Variants in KCNAB1 observed in about 807,000 individuals in gnomAD.
The protein encoded by KCNAB1 is potassium voltage-gated channel subfamily A regulatory beta subunit 1, also known as voltage-gated potassium channel subunit beta-1.
A neutral mutation model predicts 64.6 loss-of-function variants in KCNAB1; 35 were observed. The observed-to-expected ratio is 0.54, with a 90% CI of 0.41 to 0.72. KCNAB1 has a LOEUF of 0.72. Among genes scored for constraint, KCNAB1 ranks in the 30% least tolerant of loss-of-function variants. KCNAB1 has a pLI of 0.00. For missense variants in KCNAB1, 401 were observed against 512.9 expected (o/e 0.78, Z 2.11); for synonymous variants, 177 against 183.8 (o/e 0.96, Z 0.30).
intron 13 of KCNAB1, among the ~76,000 whole-genome samples, chr3:156,533,649 G>C (rs953543843): frequency 1.3e-5 from 2 of 152,140 alleles, no homozygotes; most frequent in Admixed American, 6.5e-5. Context: ...TGAAGGGCAA[G>C]GGCAGTCATC....
At chr3:156,132,093 C>T (rs1714032444) in intron 1 of KCNAB1, among the ~76,000 whole-genome samples, 1 of 152,178 alleles carries the variant, frequency 6.6e-6, no homozygotes, top group Non-Finnish European at 1.5e-5. Flanking sequence ...CTGTTTCTGC[C>T]ACAGAGCTGT....
chr3:156,452,392 A>G lies in KCNAB1; in HGVS notation c.320-507A>G, dbSNP rs1330852107. On this transcript the variant is annotated intron_variant, in intron 2 of 13. Transcript: ENST00000490337. The surrounding 1 kb of genome is among the most constrained non-coding windows in gnomAD (Gnocchi z 4.6). ...ATGACAGAGAAGGCACATAAGTGTC[A>G]CCTCCTGAGTCTTGTAAGTGGGCAC... 1.3e-5 allele frequency among the ~76,000 whole-genome samples: 2 copies of G among 152,154 alleles called. No homozygotes were observed. Among genetic ancestry groups the G allele is most frequent in the East Asian group, 3.8e-4 (2 of 5,196 alleles).
upstream of KCNAB1, chr3:156,118,321 C>T (rs1457704492): frequency 8.8e-6 from 4 of 455,552 alleles, no homozygotes; most frequent in Admixed American, 2.4e-5. Flanking sequence ...ATGTGGCTGT[C>T]CAGCAAGGCA....
chr3:156,182,629 T>TTC (rs1491347693), intron 1 of KCNAB1, among the ~76,000 whole-genome samples: 17 of 120,492 alleles, frequency 1.4e-4, no homozygotes, highest in South Asian at 7.8e-4. Flanking sequence ...GGTTTTTTTT[T>TTC]CCCCCCCCCG....
intron 1 of KCNAB1, among the ~76,000 whole-genome samples, chr3:156,207,554 A>G (rs1714747055): frequency 6.6e-6 from 1 of 152,230 alleles, no homozygotes; most frequent in Non-Finnish European, 1.5e-5. Context: ...CAAGTGATAC[A>G]TGTATATTTC....
chr3:156,371,389 A>C (rs1726298761), intron 1 of KCNAB1, among the ~76,000 whole-genome samples: 1 of 152,200 alleles, frequency 6.6e-6, no homozygotes, highest in Non-Finnish European at 1.5e-5. Flanking sequence ...CAAAAAGTTC[A>C]ACAAATGTTT....
chr3:156,192,389 T>C (rs1332544349), intron 1 of KCNAB1, among the ~76,000 whole-genome samples: 1 of 152,218 alleles, frequency 6.6e-6, no homozygotes, highest in Non-Finnish European at 1.5e-5. Context: ...AAAAGTTTAT[T>C]GAGACTTTTA....
chr3:156,320,372 G>A (rs1269747196), intron 1 of KCNAB1, among the ~76,000 whole-genome samples: 1 of 152,176 alleles, frequency 6.6e-6, no homozygotes, highest in African/African-American at 2.4e-5. Context: ...TTAAATGAAT[G>A]AATGAATGGT....
At chr3:156,493,501 A>C (rs76587460) in intron 8 of KCNAB1, among the ~76,000 whole-genome samples, 5,642 of 152,230 alleles carry the variant, frequency 0.037, 283 homozygotes, top group African/African-American at 0.12. Context: ...AAAGATTTCT[A>C]TATGCCCCTC....
intron 1 of KCNAB1, among the ~76,000 whole-genome samples, chr3:156,134,697 AG>A (rs1714201310): frequency 6.6e-6 from 1 of 152,250 alleles, no homozygotes; most frequent in Admixed American, 6.5e-5. Context: ...ATTTTATAAA[AG>A]CAAACCATAT....
chr3:156,292,630 C>T (rs1238337655), intron 1 of KCNAB1, among the ~76,000 whole-genome samples: 4 of 152,094 alleles, frequency 2.6e-5, no homozygotes, highest in African/African-American at 9.7e-5. Flanking sequence ...GGGAAATAGC[C>T]TCCTGGGTTC....
chr3:156,524,026 AC>A, intron 12 of KCNAB1, 79 bp downstream of exon 12: 1 of 1,331,130 alleles, frequency 7.5e-7, no homozygotes, highest in Non-Finnish European at 1.0e-6. Flanking sequence ...CCACACCCTT[AC>A]CATGATAAAA....
chr3:156,242,752 A>G (rs1359343632), intron 1 of KCNAB1, among the ~76,000 whole-genome samples: 1 of 146,188 alleles, frequency 6.8e-6, no homozygotes, highest in Non-Finnish European at 1.5e-5. Flanking sequence ...TCATTGTGTC[A>G]TATTTTCTTC....
chr3:156,426,828 ATAC>A (rs1393145154), intron 2 of KCNAB1, among the ~76,000 whole-genome samples: 10 of 152,216 alleles, frequency 6.6e-5, no homozygotes, highest in Admixed American at 2.0e-4. Context: ...TTAGTGCTTC[ATAC>A]TACATTTTGG....
At chr3:156,308,254 C>CAGG (rs1304304923) in intron 1 of KCNAB1, among the ~76,000 whole-genome samples, 1 of 152,184 alleles carries the variant, frequency 6.6e-6, no homozygotes, top group Non-Finnish European at 1.5e-5. Context: ...GAGGAACAAT[C>CAGG]AGGAGAACAT....
At position 156,472,550 on chromosome 3, in the gene KCNAB1, C is replaced by T. The variant is rs140552090; in HGVS notation, c.572-2184C>T. ...TAGTGTCCTTTAGAGGGACAATTTC[C>T]TTTCACTCCACTTCAAAGTCAGAGG... On this transcript the variant is annotated intron_variant, in intron 7 of 13. Transcript: ENST00000490337. Among the ~76,000 whole-genome samples the T allele has an allele frequency of 3.9e-3, 599 of 152,178 alleles. 3 individuals are homozygous for T. The highest frequency in any genetic ancestry group is 8.4e-3 in the Admixed American group (128 of 15,272).
intron 1 of KCNAB1, among the ~76,000 whole-genome samples, chr3:156,242,892 T>C (rs1446290507): frequency 6.6e-6 from 1 of 151,720 alleles, no homozygotes; most frequent in East Asian, 1.9e-4. Flanking sequence ...TGTGCTTATT[T>C]ATTATTTATT....
rs1297365882 is a variant in KCNAB1 at position 156,537,138 on chromosome 3, CAGAGT to C, written c.*395_*399del. The C allele has an allele frequency of 2.5e-6, 1 of 398,412 alleles. No individual in the cohort carries two copies. Among genetic ancestry groups the C allele is most frequent in the Non-Finnish European group, 4.4e-6 (1 of 226,402 alleles). 24.7% of individuals were successfully genotyped at this position (398,412 alleles called of 1,614,324 possible). The stretch of plus-strand genomic sequence containing the variant: ...GATGCAATGTGAGTTGCGTAAGAAA[CAGAGT>C]AGATAGACTAAATTCAGTGAAGGAA... On this transcript the variant is annotated 3_prime_UTR_variant, in exon 14 of 14. Transcript: ENST00000490337.
chr3:156,139,969 G>T (rs926180900), intron 1 of KCNAB1, among the ~76,000 whole-genome samples: 4 of 152,016 alleles, frequency 2.6e-5, no homozygotes, highest in Admixed American at 2.6e-4. Context: ...CCACTCATAC[G>T]GCATTAAATA....
Sources: gnomAD v4.1 joint callset for allele counts (sites outside exome capture counted in the v4.1 genomes callset) on GRCh38, gnomAD v4.1.1 for gene constraint, Gnocchi (gnomAD v3.1) non-coding constraint, MANE v1.5 for transcripts, NCBI Gene and HGNC (gene_info 2026-07-23, HGNC 2026-07-21) for gene names.